Variants in GBF1 observed in about 807,000 individuals in gnomAD.
GBF1 encodes golgi brefeldin A resistant guanine nucleotide exchange factor 1, also known as Golgi-specific brefeldin A-resistance guanine nucleotide exchange factor 1.
Under a neutral mutation model 210.5 loss-of-function variants are expected in GBF1, and 114 were observed. That is an observed-to-expected ratio of 0.54 (90% CI 0.47 to 0.63). The LOEUF (loss-of-function observed/expected upper bound fraction) is 0.63, where lower values mean the gene tolerates loss of function less well. GBF1 is among the 30% of genes least tolerant of loss of function. The probability of loss-of-function intolerance (pLI) is 0.00; values close to 1 mark genes in which losing one functional copy is unlikely to be tolerated. For synonymous variants in GBF1, 850 were observed against 889.2 expected (o/e 0.96, Z 0.78); for missense variants, 1,851 against 2,357.7 (o/e 0.79, Z 4.45).
At chr10:102,320,944 C>T (rs1437465682) in intron 3 of GBF1, among the ~76,000 whole-genome samples, 3 of 151,750 alleles carry the variant, frequency 2.0e-5, no homozygotes, top group African/African-American at 7.3e-5. Context: ...TACAGGTGTG[C>T]ACCACCACGC....
At chr10:102,270,581 GT>G (rs2074312758) in intron 3 of GBF1, among the ~76,000 whole-genome samples, 1 of 152,062 alleles carries the variant, frequency 6.6e-6, no homozygotes, top group Non-Finnish European at 1.5e-5. Context: ...CCGTATATGT[GT>G]ATTATCATTT....
Position 102,382,143 on chromosome 10 carries a change from C to T in GBF1, c.5390C>T (p.Thr1797Ile). ...VASSPSRLSP[T>I]PDGPPPLAQP... ...TCAAGCCCCAGCAGGCTGAGCCCCA[C>T]CCCCGACGGGCCTCCACCCTTGGCT... Residue 1797 changes from threonine to isoleucine, a missense_variant, in exon 40 of 40, where the codon ACC (threonine) becomes ATC (isoleucine). Thr to Ile is a moderately conservative substitution (Grantham distance 89). This residue lies in a region of GBF1 where 967 missense variants were observed against 1,247.7 expected (regional missense o/e 0.78). Coordinates refer to ENST00000369983, the MANE Select transcript of GBF1 (RefSeq NM_001377137.1). The T allele has an allele frequency of 6.2e-7, 1 of 1,611,362 alleles. No homozygotes were observed. The highest frequency in any genetic ancestry group is 8.5e-7 in the Non-Finnish European group (1 of 1,178,192).
intron 3 of GBF1, among the ~76,000 whole-genome samples, chr10:102,318,547 G>A (rs2056061672): frequency 1.3e-5 from 2 of 151,846 alleles, no homozygotes; most frequent in South Asian, 4.2e-4. Flanking sequence ...TAAATATCTT[G>A]GTACACGATT....
At chr10:102,281,894 G>A (rs192683078) in intron 3 of GBF1, among the ~76,000 whole-genome samples, 1 of 150,534 alleles carries the variant, frequency 6.6e-6, no homozygotes, top group Non-Finnish European at 1.5e-5. Flanking sequence ...GTAACAGTTT[G>A]CCTGTATTCT....
chr10:102,347,968 G>A (rs942213429), intron 4 of GBF1, among the ~76,000 whole-genome samples: 6 of 151,938 alleles, frequency 3.9e-5, no homozygotes, highest in Admixed American at 3.3e-4. Context: ...GAGACAGTTC[G>A]CTCTGTTGCC....
chr10:102,276,252 C>T (rs1415584852), intron 3 of GBF1, among the ~76,000 whole-genome samples: 9 of 148,174 alleles, frequency 6.1e-5, no homozygotes, highest in African/African-American at 1.5e-4. Context: ...AAAGGCCTGG[C>T]GCGGTGGCTC....
chr10:102,294,136 T>G (rs2076714901), intron 3 of GBF1, among the ~76,000 whole-genome samples: 1 of 151,972 alleles, frequency 6.6e-6, no homozygotes, highest in South Asian at 2.1e-4. Context: ...TTAAAAAAAT[T>G]TAAAAGTTAT....
chr10:102,338,316 C>G (rs1033652581), intron 3 of GBF1, among the ~76,000 whole-genome samples: 1 of 148,854 alleles, frequency 6.7e-6, no homozygotes, highest in Non-Finnish European at 1.5e-5. Context: ...TCTCGGCTCA[C>G]TGTAGCCTCT....
chr10:102,316,932 T>A (rs1032200944), intron 3 of GBF1, among the ~76,000 whole-genome samples: 5 of 152,190 alleles, frequency 3.3e-5, no homozygotes, highest in African/African-American at 9.7e-5. Flanking sequence ...TAAATGCCAT[T>A]TTAAATAATT....
At chr10:102,275,692 C>T (rs555249341) in intron 3 of GBF1, among the ~76,000 whole-genome samples, 1 of 152,226 alleles carries the variant, frequency 6.6e-6, no homozygotes, top group East Asian at 1.9e-4. Flanking sequence ...GAATCTATAT[C>T]CAAGTTACAT....
intron 38 of GBF1, 71 bp downstream of exon 38, chr10:102,380,757 C>A (rs1045626540): frequency 7.5e-5 from 99 of 1,319,514 alleles, no homozygotes; most frequent in Non-Finnish European, 9.4e-5. Context: ...CCTCTAATCC[C>A]AGCACTTTGA....
chr10:102,343,145 A>G (rs2058312828), intron 3 of GBF1, among the ~76,000 whole-genome samples: 1 of 152,200 alleles, frequency 6.6e-6, no homozygotes, highest in South Asian at 2.1e-4. Context: ...AACTTCCAAG[A>G]TTACAGACTG....
At chr10:102,318,466 C>T (rs2056049325) in intron 3 of GBF1, among the ~76,000 whole-genome samples, 2 of 132,300 alleles carry the variant, frequency 1.5e-5, no homozygotes. Context: ...GCTGGGATTA[C>T]AGGCATGAGC....
In GBF1 at chr10:102,359,428, G is replaced by C; in HGVS notation, c.1173G>C (p.Gln391His). 4.3e-6 allele frequency: 7 copies of C among 1,612,380 alleles called. No homozygotes were observed. The highest frequency in any genetic ancestry group is 5.9e-6 in the Non-Finnish European group (7 of 1,178,546). ...PRGVRFTQSS[Q>H]KEGTALVPYG... ...GCGTGCGCTTTACACAGTCCTCCCA[G>C]AAAGAAGGTGGGTATTCTGGTAGGC... Residue 391 changes from glutamine (Q) to histidine (H), a missense_variant, in exon 11 of 40, where the codon CAG becomes CAC. Gln to His is a conservative substitution (Grantham distance 24). Around this residue, in one of 3 missense-constraint regions of GBF1, gnomAD observed 804 missense variants for 958.6 expected, o/e 0.84. Coordinates refer to ENST00000369983, the MANE Select transcript of GBF1 (RefSeq NM_001377137.1).
chr10:102,260,879 C>T (rs2073115085), intron 3 of GBF1, among the ~76,000 whole-genome samples: 1 of 152,150 alleles, frequency 6.6e-6, no homozygotes, highest in Non-Finnish European at 1.5e-5. Flanking sequence ...CATGATCTTT[C>T]AGTCTTCATG....
chr10:102,236,258 C>T, the GBF1 span, among the ~76,000 whole-genome samples: 1 of 152,162 alleles, frequency 6.6e-6, no homozygotes, highest in Non-Finnish European at 1.5e-5. Context: ...GACTTCGCCT[C>T]ACTCAGTGGA....
At position 102,368,271 on chromosome 10, in the gene GBF1, A is replaced by G. The variant is rs766589418; in HGVS notation, c.2696A>G (p.Tyr899Cys). 2.5e-6 allele frequency: 4 copies of G among 1,614,004 alleles called. No individual in the cohort carries two copies. The highest frequency in any genetic ancestry group is 3.4e-6 in the Non-Finnish European group (4 of 1,179,992). Reference sequence around the variant, plus strand: ...CAGACAGGCTTGGTTCGGGAGAACTATGTGTGGAATGTGCTGCTTCATCGA... The same window carrying G: ...CAGACAGGCTTGGTTCGGGAGAACTGTGTGTGGAATGTGCTGCTTCATCGA... ...EEQTGLVREN[Y>C]VWNVLLHRGA... is the part of the protein sequence containing the mutation. Residue 899 changes from tyrosine to cysteine, a missense_variant, in exon 22 of 40, where the codon TAT (tyrosine) becomes TGT (cysteine). Tyr to Cys is a radical substitution (Grantham distance 194, BLOSUM62 -2). Transcript: ENST00000369983.
Position 102,375,560 on chromosome 10 carries a change from G to GAT in GBF1, c.3862_3863insAT (p.Ala1288AspfsTer25). ...GCCTCCAGCTGCTCTGCAGGCCACAGCCAGGGCAGATGCACCTGATGCCGG... is the reference window on the plus strand; with the variant it reads ...GCCTCCAGCTGCTCTGCAGGCCACAGATCCAGGGCAGATGCACCTGATGCCGG... On this transcript the variant is annotated frameshift_variant, in exon 30 of 40. Coordinates refer to ENST00000369983, the MANE Select transcript of GBF1 (RefSeq NM_001377137.1). LOFTEE classifies it high-confidence loss of function. 4 of 1,612,482 alleles carry GAT rather than the reference G, an allele frequency of 2.5e-6. No individual in the cohort carries two copies. Among genetic ancestry groups the GAT allele is most frequent in the Non-Finnish European group, 3.4e-6 (4 of 1,178,568 alleles).
chr10:102,339,953 A>ATT (rs398014644), intron 3 of GBF1, among the ~76,000 whole-genome samples: 2,744 of 129,216 alleles, frequency 0.021, 84 homozygotes, highest in African/African-American at 0.062. Flanking sequence ...TACCTGGTTA[A>ATT]TTTTTTTTTT....
Sources: gnomAD v4.1 joint callset for allele counts (sites outside exome capture counted in the v4.1 genomes callset) on GRCh38, gnomAD v4.1.1 for gene constraint, gnomAD v4.1.1 regional missense constraint, MANE v1.5 for transcripts, NCBI Gene and HGNC (gene_info 2026-07-23, HGNC 2026-07-21) for gene names.